Variants in FHIT observed in about 807,000 individuals in gnomAD.
The protein encoded by FHIT is bis(5'-adenosyl)-triphosphatase.
A neutral mutation model predicts 17.9 loss-of-function variants in FHIT; 19 were observed. That is an observed-to-expected ratio of 1.06 (90% CI 0.74 to 1.56). FHIT has a LOEUF of 1.56. Ranked by LOEUF, FHIT falls within the 40% of genes most tolerant of loss-of-function variation. The pLI, the probability that FHIT is intolerant of heterozygous loss-of-function variation, is 0.00. For missense variants in FHIT, 248 were observed against 189.2 expected (o/e 1.31, Z -1.82); for synonymous variants, 81 against 69.7 (o/e 1.16, Z -0.81).
chr3:59,888,011 GTCT>G (rs1321044136), intron 8 of FHIT, among the ~76,000 whole-genome samples: 1 of 152,176 alleles, frequency 6.6e-6, no homozygotes, highest in Non-Finnish European at 1.5e-5. Flanking sequence ...ATTAAATTCA[GTCT>G]TTTTTCTTGG....
At chr3:59,975,935 G>C (rs1344564308) in intron 7 of FHIT, among the ~76,000 whole-genome samples, 1 of 152,060 alleles carries the variant, frequency 6.6e-6, no homozygotes, top group Non-Finnish European at 1.5e-5. Flanking sequence ...AAGGTCTCCA[G>C]TTCCTCCCCT....
chr3:59,975,313 G>C (rs1425944296), intron 7 of FHIT, among the ~76,000 whole-genome samples: 6 of 151,968 alleles, frequency 3.9e-5, no homozygotes, highest in Admixed American at 3.9e-4. Context: ...TGTTTATCTT[G>C]GGCAAGTCTC....
intron 3 of FHIT, among the ~76,000 whole-genome samples, chr3:60,960,747 A>G: frequency 6.6e-6 from 1 of 152,178 alleles, no homozygotes; most frequent in East Asian, 1.9e-4. Context: ...CCATGTCCCT[A>G]CAAAGGACAT....
At chr3:60,130,339 A>G (rs77391913) in intron 5 of FHIT, among the ~76,000 whole-genome samples, 4,440 of 152,294 alleles carry the variant, frequency 0.029, 210 homozygotes, top group African/African-American at 0.1. Context: ...GCTTTTCTGC[A>G]TGGCAGGCCT....
chr3:60,460,108 A>T (rs914888789), intron 5 of FHIT, among the ~76,000 whole-genome samples: 1 of 152,026 alleles, frequency 6.6e-6, no homozygotes, highest in Non-Finnish European at 1.5e-5. Flanking sequence ...GCATATTCAC[A>T]TATCAAAAAA....
intron 4 of FHIT, among the ~76,000 whole-genome samples, chr3:60,763,352 A>T (rs986162322): frequency 7.9e-5 from 12 of 152,222 alleles, no homozygotes; most frequent in African/African-American, 2.9e-4. Context: ...AGAACATTTG[A>T]AAGTTCAAAA....
At chr3:60,962,566 T>C (rs576614904) in intron 3 of FHIT, among the ~76,000 whole-genome samples, 1 of 152,214 alleles carries the variant, frequency 6.6e-6, no homozygotes, top group African/African-American at 2.4e-5. Context: ...GGCTGTGGGT[T>C]TGTCATAGAT....
chr3:60,440,690 A>G (rs2030719620), intron 5 of FHIT, among the ~76,000 whole-genome samples: 1 of 152,036 alleles, frequency 6.6e-6, no homozygotes, highest in Non-Finnish European at 1.5e-5. Context: ...AACAGATAAA[A>G]TTTATATAAA....
chr3:61,188,927 A>G (rs4688334), intron 2 of FHIT, among the ~76,000 whole-genome samples: 65,351 of 151,148 alleles, frequency 0.43, 15,197 homozygotes, highest in East Asian at 0.87. Flanking sequence ...TTGATGGGAC[A>G]TATCTCAAAA....
At chr3:61,249,933 A>AACACACACACAC (rs71100943) in intron 1 of FHIT, among the ~76,000 whole-genome samples, 37 of 126,118 alleles carry the variant, frequency 2.9e-4, no homozygotes, top group Middle Eastern at 4.0e-3. Flanking sequence ...AATCAATAAC[A>AACACACACACAC]ACACACACAC....
At chr3:60,330,036 C>A (rs1709888892) in intron 5 of FHIT, among the ~76,000 whole-genome samples, 2 of 152,108 alleles carry the variant, frequency 1.3e-5, no homozygotes, top group South Asian at 4.1e-4. Flanking sequence ...TTGTGGTAAT[C>A]CAACATATTG....
intron 3 of FHIT, among the ~76,000 whole-genome samples, chr3:60,859,724 T>C (rs1245183717): frequency 5.0e-4 from 3 of 6,054 alleles, no homozygotes; most frequent in Admixed American, 2.6e-3. Context: ...CTGAATACGA[T>C]TTTTTTTTTT....
chr3:60,818,521 C>G (rs1287363530), intron 4 of FHIT, among the ~76,000 whole-genome samples: 1 of 152,068 alleles, frequency 6.6e-6, no homozygotes, highest in Admixed American at 6.6e-5. Context: ...TGACATATAC[C>G]TCAGAATTAC....
At chr3:59,955,530 A>G (rs73839797) in intron 7 of FHIT, among the ~76,000 whole-genome samples, 12,564 of 151,992 alleles carry the variant, frequency 0.083, 771 homozygotes, top group African/African-American at 0.17. Flanking sequence ...CCTAGCTCCC[A>G]CTTCTCCGCT....
At chr3:60,453,147 T>C (rs571011223) in intron 5 of FHIT, among the ~76,000 whole-genome samples, 3 of 152,104 alleles carry the variant, frequency 2.0e-5, no homozygotes, top group Non-Finnish European at 4.4e-5. Context: ...AATATAATGA[T>C]GCAATTATAC....
At chr3:60,195,703 G>T (rs1702610437) in intron 5 of FHIT, among the ~76,000 whole-genome samples, 1 of 149,362 alleles carries the variant, frequency 6.7e-6, no homozygotes, top group Admixed American at 6.7e-5. Flanking sequence ...CCATAAACAA[G>T]AAAAAAATAA....
intron 2 of FHIT, among the ~76,000 whole-genome samples, chr3:61,178,334 C>A (rs1329865627): frequency 1.3e-5 from 2 of 151,802 alleles, no homozygotes; most frequent in African/African-American, 4.8e-5. Flanking sequence ...ACTTGCACAC[C>A]CAACAGAGGC....
At chr3:60,354,695 G>A (rs78746458) in intron 5 of FHIT, among the ~76,000 whole-genome samples, 2 of 152,140 alleles carry the variant, frequency 1.3e-5, no homozygotes, top group Admixed American at 1.3e-4. Context: ...ATTTTTAAAT[G>A]TCACCAAATA....
At chr3:60,134,974 AAGGGG>A (rs1283740636) in intron 5 of FHIT, among the ~76,000 whole-genome samples, 2 of 152,050 alleles carry the variant, frequency 1.3e-5, no homozygotes, top group Non-Finnish European at 2.9e-5. Context: ...GACAGGAAAA[AAGGGG>A]GGAGGGAGGA....
Sources: gnomAD v4.1 joint callset for allele counts (sites outside exome capture counted in the v4.1 genomes callset) on GRCh38, gnomAD v4.1.1 for gene constraint, MANE v1.5 for transcripts, NCBI Gene and HGNC (gene_info 2026-07-23, HGNC 2026-07-21) for gene names.